Variants in NRDE2 observed in about 807,000 individuals in gnomAD.
NRDE2 encodes nuclear exosome regulator NRDE2.
Under a neutral mutation model 124.2 loss-of-function variants are expected in NRDE2, and 76 were observed. That is an observed-to-expected ratio of 0.61 (90% CI 0.51 to 0.74). The LOEUF (loss-of-function observed/expected upper bound fraction) is 0.74, where lower values mean the gene tolerates loss of function less well. NRDE2 is among the 30% of genes least tolerant of loss of function. The pLI, the probability that NRDE2 is intolerant of heterozygous loss-of-function variation, is 0.00. For missense variants in NRDE2, 1,314 were observed against 1,417.3 expected (o/e 0.93, Z 1.17); for synonymous variants, 489 against 528.1 (o/e 0.93, Z 1.01).
At chr14:90,310,501 ATC>A (rs1884791978) in intron 4 of NRDE2, among the ~76,000 whole-genome samples, 1 of 148,588 alleles carries the variant, frequency 6.7e-6, no homozygotes, top group African/African-American at 2.5e-5. Flanking sequence ...CTCATGTCCA[ATC>A]TCTGTTTGTT....
rs759939739 is a variant in NRDE2, at chr14:90,288,932, G to A, written c.2443C>T (p.Leu815=). 35 of 1,612,314 alleles carry A rather than the reference G, an allele frequency of 2.2e-5. No individual in the cohort carries two copies. Among genetic ancestry groups the A allele is most frequent in the Admixed American group, 6.7e-5 (4 of 59,984 alleles). Residue 815 remains leucine, a synonymous_variant, in exon 11 of 14, where the codon CTG becomes TTG. Coordinates refer to ENST00000354366, the MANE Select transcript of NRDE2 (RefSeq NM_017970.4). ...TALGMAGSRE[L]KDSDLCELSL... ...AGCTCACAGAGGTCAGAGTCTTTCA[G>A]TTCTCTGCTTCCTGCCATGCCAAGT...
intron 2 of NRDE2, chr14:90,317,665 A>C (rs1271681533): frequency 1.2e-5 from 2 of 172,898 alleles, no homozygotes; most frequent in South Asian, 1.9e-4. Context: ...CTCCCTCTCT[A>C]TTTTTACAAA....
chr14:90,285,732 A>C (rs182696608), intron 12 of NRDE2, among the ~76,000 whole-genome samples: 23 of 152,274 alleles, frequency 1.5e-4, no homozygotes, highest in African/African-American at 4.8e-4. Flanking sequence ...TCCTGGGCTC[A>C]AAGAATCCTC....
intron 1 of NRDE2, among the ~76,000 whole-genome samples, chr14:90,324,442 G>A (rs886849015): frequency 6.6e-5 from 10 of 152,060 alleles, no homozygotes; most frequent in Admixed American, 2.6e-4. Context: ...TTGGGAGGCC[G>A]AGGTGGGCGG....
At position 90,268,073 on chromosome 14, in the gene NRDE2, T is replaced by G. The variant is rs1891564083; in HGVS notation, c.*10263A>C. 1 of 596,234 alleles carries G rather than the reference T, an allele frequency of 1.7e-6. No individual in the cohort carries two copies. Among genetic ancestry groups the G allele is most frequent in the East Asian group, 2.8e-5 (1 of 35,102 alleles). 36.9% of individuals were successfully genotyped at this position (596,234 alleles called of 1,614,324 possible). A position where few individuals can be genotyped will look rare whatever the true frequency, so the allele number is the denominator to read the frequency against. Reference sequence around the variant, plus strand: ...ATGTCCTCTTATCTACTTAGGAGAATGGAATGTCGTGACACTTGAATTGGT... The same window carrying G: ...ATGTCCTCTTATCTACTTAGGAGAAGGGAATGTCGTGACACTTGAATTGGT... On this transcript the variant is annotated 3_prime_UTR_variant, in exon 14 of 14. Coordinates refer to ENST00000354366, the MANE Select transcript of NRDE2 (RefSeq NM_017970.4).
At chr14:90,315,735 C>A (rs1885019342) in intron 3 of NRDE2, among the ~76,000 whole-genome samples, 1 of 152,030 alleles carries the variant, frequency 6.6e-6, no homozygotes, top group Admixed American at 6.6e-5. Flanking sequence ...GCAGGTGGAT[C>A]ACCTGAGGTC....
intron 3 of NRDE2, 65 bp downstream of exon 3, chr14:90,316,513 G>A (rs1595074913): frequency 1.8e-6 from 2 of 1,125,668 alleles, no homozygotes; most frequent in East Asian, 4.7e-5. Flanking sequence ...CTAATTTGCG[G>A]CAACAATTAA....
At position 90,290,227 on chromosome 14, in the gene NRDE2, A is replaced by T. The variant is rs1399779331; in HGVS notation, c.2223T>A (p.Ile741=). 6.2e-7 allele frequency: 1 copy of T among 1,611,662 alleles called. No homozygotes were observed. Among genetic ancestry groups the T allele is most frequent in the Admixed American group, 1.7e-5 (1 of 59,924 alleles). ...AGGACGAGTCTGGAATTACCTTTGC[A>T]ATCTCATACTGTAACCAGGAGAAGC... ...QLCFSWLQYE[I]AKVIWCLHTK... Residue 741 remains isoleucine (I), a synonymous_variant, in exon 10 of 14, where the codon ATT becomes ATA. Transcript: ENST00000354366.
At position 90,288,504 on chromosome 14, in the gene NRDE2, A is replaced by G; in HGVS notation, c.2871T>C (p.Val957=). The G allele has an allele frequency of 6.2e-7, 1 of 1,614,116 alleles. No individual in the cohort carries two copies. The highest frequency in any genetic ancestry group is 1.1e-5 in the South Asian group (1 of 91,078). The change falls in exon 11 of 14, where the codon GTT becomes GTC. Residue 957 remains valine, a synonymous_variant. Coordinates refer to ENST00000354366, the MANE Select transcript of NRDE2 (RefSeq NM_017970.4). ...TGTGCATCAGTGTGATGGCTTCGAGAACACTGGTCCAACTCTGGGAGCTGG... is the reference window on the plus strand; with the variant it reads ...TGTGCATCAGTGTGATGGCTTCGAGGACACTGGTCCAACTCTGGGAGCTGG... ...DSASSQSWTS[V]LEAITLMHTS... is the part of the protein sequence containing the mutation.
Position 90,298,330 on chromosome 14 carries a change from C to T in NRDE2, c.1596G>A (p.Glu532=). 2 of 1,613,756 alleles carry T rather than the reference C, an allele frequency of 1.2e-6. No individual in the cohort carries two copies. Among genetic ancestry groups the T allele is most frequent in the Admixed American group, 1.7e-5 (1 of 60,022 alleles). Residue 532 remains glutamate (E), a synonymous_variant, in exon 8 of 14, where the codon GAG becomes GAA. Transcript: ENST00000354366. ...FWDSGEPRAG[E]KGARGWKAWM... is the part of the protein sequence containing the mutation. ...ACGCCTTCCAGCCTCGGGCTCCCTT[C>T]TCCCCAGCCCGGGGCTCTCCACTGT...
chr14:90,275,163 CAAA>C lies in NRDE2; in HGVS notation c.*3170_*3172del, dbSNP rs1891776355. ...TCAAAAGTATCCACGTCTTGGAAGT[CAAA>C]AAGCTTCCAATCAGAAGGAGACCAA... On this transcript the variant is annotated 3_prime_UTR_variant, in exon 14 of 14. Coordinates refer to ENST00000354366, the MANE Select transcript of NRDE2 (RefSeq NM_017970.4). The C allele has an allele frequency of 1.3e-5, 2 of 152,200 alleles. No individual in the cohort carries two copies. The highest frequency in any genetic ancestry group is 2.9e-5 in the Non-Finnish European group (2 of 68,020). The allele number at this position is 152,200 out of a possible 1,614,324, so 9.4% of individuals were successfully genotyped here.
At chr14:90,283,706 G>GTTT (rs199636568) in intron 12 of NRDE2, among the ~76,000 whole-genome samples, 9 of 147,146 alleles carry the variant, frequency 6.1e-5, no homozygotes, top group Non-Finnish European at 1.0e-4. Flanking sequence ...ACTTTTGCAG[G>GTTT]TTTTTTGTTT....
chr14:90,324,177 G>A (rs1361483562), intron 1 of NRDE2, among the ~76,000 whole-genome samples: 1 of 152,150 alleles, frequency 6.6e-6, no homozygotes, highest in Non-Finnish European at 1.5e-5. Flanking sequence ...TAGACAGTGA[G>A]AAATAGGAGA....
Position 90,312,634 on chromosome 14 carries a change from CACTTCAAACTCCACATGGCATCAA to C in NRDE2, c.408-115_408-92del. On this transcript the variant is annotated intron_variant, in intron 3 of 13. Coordinates refer to ENST00000354366, the MANE Select transcript of NRDE2 (RefSeq NM_017970.4). ...CATTTTCAGCAATATGAGAGTTAAA[CACTTCAAACTCCACATGGCATCAA>C]ACACACCTAAGCACATTAAATGTAC... 3.3e-6 allele frequency: 4 copies of C among 1,228,534 alleles called. No individual in the cohort carries two copies. The East Asian group carries it at 9.3e-5, about 28-fold the overall frequency. The allele number at this position is 1,228,534 out of a possible 1,614,324, so 76.1% of individuals were successfully genotyped here. A position where few individuals can be genotyped will look rare whatever the true frequency, so the allele number is the denominator to read the frequency against.
intron 1 of NRDE2, among the ~76,000 whole-genome samples, chr14:90,330,267 T>C (rs920366875): frequency 6.6e-6 from 1 of 150,526 alleles, no homozygotes; most frequent in African/African-American, 2.4e-5. Flanking sequence ...AGTTCACCTA[T>C]GGTATCTGTA....
Position 90,269,968 on chromosome 14 carries a change from AT to A in NRDE2, c.*8367del. 2.0e-6 allele frequency: 1 copy of A among 501,444 alleles called. No individual in the cohort carries two copies. The allele number at this position is 501,444 out of a possible 1,614,324, so 31.1% of individuals were successfully genotyped here. Reference sequence around the variant, plus strand: ...CACTCAGGAATTGCTCCTTTCATTTATTTCTGAAGGTACCAAAGCAGAGAGA... The same window carrying A: ...CACTCAGGAATTGCTCCTTTCATTTATTCTGAAGGTACCAAAGCAGAGAGA... On this transcript the variant is annotated 3_prime_UTR_variant, in exon 14 of 14. Coordinates refer to ENST00000354366, the MANE Select transcript of NRDE2 (RefSeq NM_017970.4).
In NRDE2 at chr14:90,312,377, G is replaced by T. The variant is rs980077751; in HGVS notation, c.557+17C>A. 3.7e-5 allele frequency: 59 copies of T among 1,612,538 alleles called. No homozygotes were observed. The highest frequency in any genetic ancestry group is 4.3e-5 in the Non-Finnish European group (51 of 1,179,188). ...CACTTTCCTACAGTGAAAACTGGGG[G>T]AAAACAAGGTGACTACCTTGCTATA... On this transcript the variant is annotated intron_variant, in intron 4 of 13. Coordinates refer to ENST00000354366, the MANE Select transcript of NRDE2 (RefSeq NM_017970.4).
intron 11 of NRDE2, 50 bp downstream of exon 11, chr14:90,288,167 G>A (rs377518843): frequency 1.1e-5 from 17 of 1,534,034 alleles, no homozygotes; most frequent in Non-Finnish European, 8.9e-6. Flanking sequence ...AACACAGCAA[G>A]CATTCCATAA....
chr14:90,302,680 C>G (rs755489625), intron 6 of NRDE2, 40 bp downstream of exon 6: 4 of 1,508,734 alleles, frequency 2.7e-6, no homozygotes, highest in African/African-American at 1.4e-5. Flanking sequence ...AAAAGAAAGT[C>G]TAACTCCTCC....
Sources: allele counts gnomAD v4.1 joint callset (sites outside exome capture counted in the v4.1 genomes callset), GRCh38; gene constraint gnomAD v4.1.1; transcripts MANE v1.5; gene names NCBI Gene and HGNC (gene_info 2026-07-23, HGNC 2026-07-21).